STK39: variants seen among roughly 807,000 people sequenced by gnomAD.
The protein encoded by STK39 is STE20/SPS1-related proline-alanine-rich protein kinase.
Under a neutral mutation model 77.8 loss-of-function variants are expected in STK39, and 20 were observed. The ratio of observed to expected loss-of-function variants is 0.26; its 90% CI spans 0.18 to 0.37. STK39 has a LOEUF of 0.37. Ranked by LOEUF, STK39 falls within the 10% of genes least tolerant of loss-of-function variation. The pLI is 1.00. For synonymous variants in STK39, 246 were observed against 234.1 expected (o/e 1.05, Z -0.47); for missense variants, 479 against 656.5 (o/e 0.73, Z 2.95).
At chr2:168,115,294 C>A (rs1038145226) in intron 10 of STK39, among the ~76,000 whole-genome samples, 2 of 152,192 alleles carry the variant, frequency 1.3e-5, no homozygotes, top group Non-Finnish European at 2.9e-5. Flanking sequence ...TACGCATGCA[C>A]CCATGTGCAT....
At chr2:168,187,179 C>T (rs1278939993) in intron 1 of STK39, among the ~76,000 whole-genome samples, 2 of 151,954 alleles carry the variant, frequency 1.3e-5, no homozygotes, top group African/African-American at 4.8e-5. Flanking sequence ...GGTGAAACCC[C>T]GTCTCTACTA....
At chr2:168,013,962 T>C (rs1559057032) in intron 15 of STK39, among the ~76,000 whole-genome samples, 1 of 152,154 alleles carries the variant, frequency 6.6e-6, no homozygotes, top group Admixed American at 6.5e-5. Flanking sequence ...AAATGGTAAC[T>C]ATGATGATGA....
chr2:168,131,464 C>T (rs1175131697), intron 8 of STK39, among the ~76,000 whole-genome samples: 2 of 152,136 alleles, frequency 1.3e-5, no homozygotes, highest in African/African-American at 2.4e-5. Flanking sequence ...CAGGAAGCTC[C>T]ACTAAAATAT....
At position 167,954,631 on chromosome 2, in the gene STK39, C is replaced by T. The variant is rs1462630414; in HGVS notation, c.*865G>A. 1.3e-5 allele frequency: 2 copies of T among 152,582 alleles called. No individual in the cohort carries two copies. Among genetic ancestry groups the T allele is most frequent in the African/African-American group, 4.8e-5 (2 of 41,414 alleles). 9.5% of individuals were successfully genotyped at this position (152,582 alleles called of 1,614,324 possible). A position where few individuals can be genotyped will look rare whatever the true frequency, so the allele number is the denominator to read the frequency against. On this transcript the variant is annotated 3_prime_UTR_variant, in exon 18 of 18. Transcript: ENST00000355999. Reference sequence around the variant, plus strand: ...CAATGAAGCAAAACTTAACATATGCCACCTTATATAGAGGAAATTTTAGAT... The same window carrying T: ...CAATGAAGCAAAACTTAACATATGCTACCTTATATAGAGGAAATTTTAGAT...
intron 16 of STK39, among the ~76,000 whole-genome samples, chr2:168,001,937 T>C (rs1385059022): frequency 2.6e-5 from 4 of 152,244 alleles, no homozygotes; most frequent in Non-Finnish European, 5.9e-5. Flanking sequence ...ACTAGAAATA[T>C]ATTTTTGTCT....
intron 2 of STK39, among the ~76,000 whole-genome samples, chr2:168,171,567 C>A (rs937626968): frequency 8.6e-5 from 13 of 151,458 alleles, no homozygotes; most frequent in African/African-American, 3.2e-4. Context: ...CTCACAGAAG[C>A]TTTAACCTTC....
chr2:168,063,606 G>A, intron 13 of STK39, 36 bp from the exon 14 acceptor site: 3 of 1,556,722 alleles, frequency 1.9e-6, no homozygotes, highest in Non-Finnish European at 2.6e-6. Flanking sequence ...GTTATAAACT[G>A]TATCAGGAAA....
intron 1 of STK39, among the ~76,000 whole-genome samples, chr2:168,189,999 G>A (rs914107785): frequency 2.0e-5 from 3 of 152,198 alleles, no homozygotes; most frequent in African/African-American, 4.8e-5. Context: ...TGAATCACTT[G>A]AGATGTTGCC....
At chr2:168,164,563 C>A (rs771315104) in intron 3 of STK39, among the ~76,000 whole-genome samples, 1 of 152,112 alleles carries the variant, frequency 6.6e-6, no homozygotes, top group Non-Finnish European at 1.5e-5. Flanking sequence ...CGTGCCACCA[C>A]GCCTGGCTAA....
intron 16 of STK39, among the ~76,000 whole-genome samples, chr2:167,974,686 C>A (rs192856161): frequency 3.5e-4 from 53 of 152,144 alleles, no homozygotes; most frequent in African/African-American, 1.1e-3. Flanking sequence ...GTCATTTCCA[C>A]GGTTAAGTGC....
At chr2:168,128,291 AC>A (rs1359415781) in intron 10 of STK39, among the ~76,000 whole-genome samples, 1 of 152,046 alleles carries the variant, frequency 6.6e-6, no homozygotes, top group Non-Finnish European at 1.5e-5. Flanking sequence ...TGATCAAAAG[AC>A]CCCACGCCAG....
chr2:168,216,208 G>C (rs1690021635), intron 1 of STK39, among the ~76,000 whole-genome samples: 1 of 152,086 alleles, frequency 6.6e-6, no homozygotes, highest in Admixed American at 6.5e-5. Flanking sequence ...AAATGGGCAA[G>C]GTGACCTGAC....
At chr2:167,988,603 A>AG (rs1413940184) in intron 16 of STK39, among the ~76,000 whole-genome samples, 3 of 152,070 alleles carry the variant, frequency 2.0e-5, no homozygotes, top group Non-Finnish European at 4.4e-5. Context: ...TCCTGCTTTA[A>AG]GAAAAAAAAA....
chr2:168,107,392 C>G (rs375344308), intron 10 of STK39, among the ~76,000 whole-genome samples: 1 of 152,174 alleles, frequency 6.6e-6, no homozygotes, highest in African/African-American at 2.4e-5. Flanking sequence ...GATGTCTAAC[C>G]TCACTTGTCA....
At chr2:168,074,677 T>C (rs940457008) in intron 12 of STK39, among the ~76,000 whole-genome samples, 14 of 152,236 alleles carry the variant, frequency 9.2e-5, no homozygotes, top group African/African-American at 3.4e-4. Flanking sequence ...ACCTAGTCTG[T>C]GACAAGGATT....
rs961677967 is a variant in STK39 at position 168,080,922 on chromosome 2, T to C, written c.1090-5691A>G. Among the ~76,000 whole-genome samples, 8 of 152,210 alleles carry C rather than the reference T, an allele frequency of 5.3e-5. 1 individual carries two copies. Among genetic ancestry groups the C allele is most frequent in the East Asian group, 1.9e-4 (1 of 5,192 alleles). On this transcript the variant is annotated intron_variant, in intron 10 of 17. Coordinates refer to ENST00000355999, the MANE Select transcript of STK39 (RefSeq NM_013233.3). Reference sequence around the variant, plus strand: ...AAGGCTTGGCAGCTTCCACATGATGTTGAGCCTGTAGATGCACAGAAGTCA... The same window carrying C: ...AAGGCTTGGCAGCTTCCACATGATGCTGAGCCTGTAGATGCACAGAAGTCA...
intron 5 of STK39, among the ~76,000 whole-genome samples, chr2:168,153,186 C>G (rs1477060046): frequency 6.6e-6 from 1 of 152,168 alleles, no homozygotes; most frequent in African/African-American, 2.4e-5. Flanking sequence ...TTCTTTTAAT[C>G]TAAATTTACT....
intron 10 of STK39, among the ~76,000 whole-genome samples, chr2:168,077,622 C>T (rs1190230013): frequency 6.6e-6 from 1 of 152,030 alleles, no homozygotes; most frequent in Non-Finnish European, 1.5e-5. Flanking sequence ...GTAAAATTGC[C>T]ACTAGAATAA....
At chr2:168,185,656 T>G (rs1689190196) in intron 1 of STK39, among the ~76,000 whole-genome samples, 2 of 152,216 alleles carry the variant, frequency 1.3e-5, no homozygotes, top group African/African-American at 4.8e-5. Context: ...CTATGTGAAA[T>G]TAACATGAAA....
Sources: allele counts gnomAD v4.1 joint callset (sites outside exome capture counted in the v4.1 genomes callset), GRCh38; gene constraint gnomAD v4.1.1; transcripts MANE v1.5; gene names NCBI Gene and HGNC (gene_info 2026-07-23, HGNC 2026-07-21).